The following BZW2 variants were observed in gnomAD, a reference collection of about 807,000 sequenced individuals.
The protein encoded by BZW2 is eIF5-mimic protein 1.
BZW2 carries 23 observed loss-of-function variants against 53.2 expected under a neutral mutation model. The ratio of observed to expected loss-of-function variants is 0.43; its 90% CI spans 0.31 to 0.61. BZW2 has a LOEUF of 0.61. Ranked by LOEUF, BZW2 falls within the 20% of genes least tolerant of loss-of-function variation. The pLI, the probability that BZW2 is intolerant of heterozygous loss-of-function variation, is 0.09. For synonymous variants in BZW2, 227 were observed against 186.4 expected, an observed-to-expected ratio of 1.22 and a Z score of -1.77; for missense variants, 409 against 503.1, an observed-to-expected ratio of 0.81 and a Z score of 1.79.
rs182749003 is a variant in BZW2 at position 16,678,364 on chromosome 7, A to T, written c.236-2937A>T. On this transcript the variant is annotated intron_variant, in intron 3 of 11. Coordinates refer to ENST00000258761, the MANE Select transcript of BZW2 (RefSeq NM_014038.3). ...CCGGCCCCATTGTTCTTAAAATAGC[A>T]GCTATCTTGGTCTTTCAATATTACC... Among the ~76,000 whole-genome samples the T allele has an allele frequency of 4.6e-5, 7 of 152,202 alleles. No homozygotes were observed. The East Asian group carries it at 1.4e-3, about 29-fold the overall frequency.
In BZW2 at chr7:16,652,510, T is replaced by G. The variant is rs184182387; in HGVS notation, c.-8+6222T>G. On this transcript the variant is annotated intron_variant, in intron 1 of 11. Coordinates refer to ENST00000258761, the MANE Select transcript of BZW2 (RefSeq NM_014038.3). ...GCAAACAAATAAATGAATGATTCTC[T>G]GTAGGTTTAAACCTTTTTCTTTTGA... 3.5e-3 allele frequency among the ~76,000 whole-genome samples: 526 copies of G among 152,332 alleles called. 15 individuals carry two copies. The highest frequency in any genetic ancestry group is 0.03 in the Admixed American group (463 of 15,294).
intron 10 of BZW2, among the ~76,000 whole-genome samples, chr7:16,702,733 C>T (rs1783708276): frequency 6.6e-6 from 1 of 152,112 alleles, no homozygotes; most frequent in Non-Finnish European, 1.5e-5. Context: ...TACTTTGTAT[C>T]ATCCTCAATT....
intron 3 of BZW2, among the ~76,000 whole-genome samples, chr7:16,679,361 C>G (rs1305503633): frequency 6.6e-6 from 1 of 152,238 alleles, no homozygotes; most frequent in East Asian, 1.9e-4. Flanking sequence ...CAGCCGGTCC[C>G]TCCGTTCAGG....
intron 2 of BZW2, among the ~76,000 whole-genome samples, chr7:16,674,208 C>T (rs1782697153): frequency 6.6e-6 from 1 of 152,108 alleles, no homozygotes; most frequent in Admixed American, 6.6e-5. Flanking sequence ...CCTACAGTAA[C>T]TTATTTTAAA....
intron 2 of BZW2, among the ~76,000 whole-genome samples, 195 bp from the exon 3 acceptor site, chr7:16,674,217 A>G (rs917701169): frequency 2.3e-4 from 35 of 152,300 alleles, no homozygotes; most frequent in African/African-American, 8.2e-4. Flanking sequence ...ACTTATTTTA[A>G]AAGAGACATC....
In BZW2 at chr7:16,681,298, T is replaced by C; in HGVS notation, c.236-3T>C. 1 of 1,611,844 alleles carries C rather than the reference T, an allele frequency of 6.2e-7. No homozygotes were observed. The highest frequency in any genetic ancestry group is 8.5e-7 in the Non-Finnish European group (1 of 1,178,260). ...CTAATTACAATTACCTTTCTCTTTT[T>C]AGCCCCTGGAGGAACGCGCATAGAT... On this transcript the variant is annotated splice_region_variant and splice_polypyrimidine_tract_variant and intron_variant, in intron 3 of 11. Transcript: ENST00000258761.
intron 1 of BZW2, among the ~76,000 whole-genome samples, chr7:16,654,007 GT>G (rs573619085): frequency 1.3e-3 from 175 of 139,358 alleles, no homozygotes; most frequent in Admixed American, 2.4e-3. Context: ...ATCGCTTTGG[GT>G]GGCCAAGGTG....
intron 7 of BZW2, among the ~76,000 whole-genome samples, chr7:16,693,298 C>T (rs939956671): frequency 6.6e-5 from 10 of 152,108 alleles, no homozygotes; most frequent in East Asian, 5.8e-4. Context: ...ATGATTTAGA[C>T]GGGCTTCCCC....
At chr7:16,687,802 G>A (rs113720003) in intron 6 of BZW2, among the ~76,000 whole-genome samples, 3,113 of 152,222 alleles carry the variant, frequency 0.02, 94 homozygotes, top group African/African-American at 0.071. Context: ...AGGGAGATGG[G>A]ATTATCCTAC....
At position 16,666,443 on chromosome 7, in the gene BZW2, G is replaced by A. The variant is rs112034810; in HGVS notation, c.58+942G>A. On this transcript the variant is annotated intron_variant, in intron 2 of 11. Coordinates refer to ENST00000258761, the MANE Select transcript of BZW2 (RefSeq NM_014038.3). ...TTTAGAGACGGAGTCTTGCTCCGTC[G>A]TCAGGCTGGAGTGCAGTGGCGCCAT... Among the ~76,000 whole-genome samples, 22 of 147,634 alleles carry A rather than the reference G, an allele frequency of 1.5e-4. No homozygotes were observed. The South Asian group carries it at 3.5e-3, about 23-fold the overall frequency.
At chr7:16,685,875 T>TC in intron 5 of BZW2, 30 bp from the exon 6 acceptor site, 1 of 1,432,498 alleles carries the variant, frequency 7.0e-7, no homozygotes, top group Non-Finnish European at 9.2e-7. Context: ...TTTTTCTTTT[T>TC]CTTTTTTTTT....
At chr7:16,678,087 CTTTTT>C (rs71007780) in intron 3 of BZW2, among the ~76,000 whole-genome samples, 7 of 66,912 alleles carry the variant, frequency 1.0e-4, no homozygotes, top group African/African-American at 1.7e-4. Flanking sequence ...TTCCATTGTT[CTTTTT>C]TTTTTTTTTT....
intron 1 of BZW2, among the ~76,000 whole-genome samples, chr7:16,657,093 A>G (rs1337014947): frequency 6.6e-6 from 1 of 152,214 alleles, no homozygotes; most frequent in Non-Finnish European, 1.5e-5. Flanking sequence ...TTTTTATGCA[A>G]AAATGTTATT....
intron 4 of BZW2, among the ~76,000 whole-genome samples, 177 bp downstream of exon 4, chr7:16,681,581 A>T (rs1782947679): frequency 6.6e-6 from 1 of 152,222 alleles, no homozygotes; most frequent in African/African-American, 2.4e-5. Flanking sequence ...CTATAATCCC[A>T]GCGCTTTGGG....
At chr7:16,689,741 C>T in intron 6 of BZW2, 56 bp from the exon 7 acceptor site, 3 of 1,442,216 alleles carry the variant, frequency 2.1e-6, no homozygotes, top group Non-Finnish European at 1.9e-6. Flanking sequence ...CTTTGCACAC[C>T]ATCACAATTG....
chr7:16,647,931 G>C (rs557805145), intron 1 of BZW2, among the ~76,000 whole-genome samples: 1 of 152,098 alleles, frequency 6.6e-6, no homozygotes, highest in East Asian at 1.9e-4. Flanking sequence ...GGGGTTGTCA[G>C]TTCCTCGAGG....
intron 7 of BZW2, among the ~76,000 whole-genome samples, chr7:16,690,847 G>A (rs1783280273): frequency 6.6e-6 from 1 of 152,134 alleles, no homozygotes; most frequent in African/African-American, 2.4e-5. Context: ...CAGCAGCTGT[G>A]AAATGCCAAG....
At chr7:16,654,235 G>A (rs550563052) in intron 1 of BZW2, among the ~76,000 whole-genome samples, 2 of 151,464 alleles carry the variant, frequency 1.3e-5, no homozygotes, top group South Asian at 2.1e-4. Flanking sequence ...GTCTCAAAAA[G>A]TAATAATAAT....
intron 1 of BZW2, among the ~76,000 whole-genome samples, chr7:16,647,116 A>G (rs929659428): frequency 3.3e-5 from 5 of 152,162 alleles, no homozygotes; most frequent in African/African-American, 1.2e-4. Flanking sequence ...ACAAGTGTGT[A>G]TTTCAGAATA....
Sources: allele counts gnomAD v4.1 joint callset (sites outside exome capture counted in the v4.1 genomes callset), GRCh38; gene constraint gnomAD v4.1.1; transcripts MANE v1.5; gene names NCBI Gene and HGNC (gene_info 2026-07-23, HGNC 2026-07-21).